The following PCDHGB2 variants were observed in gnomAD, a reference collection of about 807,000 sequenced individuals.
The protein encoded by PCDHGB2 is protocadherin gamma-B2.
Under a neutral mutation model 59.3 loss-of-function variants are expected in PCDHGB2, and 55 were observed. The observed-to-expected ratio is 0.93, with a 90% CI of 0.75 to 1.16. The LOEUF (loss-of-function observed/expected upper bound fraction) is 1.16, where lower values mean the gene tolerates loss of function less well. PCDHGB2 is among the 50% of genes most tolerant of loss of function. The pLI is 0.00. For synonymous variants in PCDHGB2, 516 were observed against 512.0 expected (o/e 1.01, Z -0.11); for missense variants, 1,228 against 1,198.5 (o/e 1.02, Z -0.36).
At chr5:141,506,247 G>A (rs113270457) in intron 3 of PCDHGB2, among the ~76,000 whole-genome samples, 8,033 of 152,078 alleles carry the variant, frequency 0.053, 470 homozygotes, top group African/African-American at 0.14. Flanking sequence ...TCAGGAGTTC[G>A]AAACCGGCCT....
At chr5:141,371,570 T>C (rs767925650) in intron 1 of PCDHGB2, 3 of 1,613,762 alleles carry the variant, frequency 1.9e-6, no homozygotes, top group Admixed American at 3.3e-5. Flanking sequence ...ACTTCCCCTT[T>C]AAAATCGTTC....
intron 1 of PCDHGB2, chr5:141,424,442 T>C (rs2096821583): frequency 6.6e-6 from 1 of 152,244 alleles, no homozygotes; most frequent in South Asian, 2.1e-4. Context: ...AATTGAATTA[T>C]TGAACTGGTA....
intron 2 of PCDHGB2, among the ~76,000 whole-genome samples, chr5:141,504,355 C>T (rs974022699): frequency 6.6e-6 from 1 of 152,078 alleles, no homozygotes; most frequent in Non-Finnish European, 1.5e-5. Flanking sequence ...GTGCTAGGTG[C>T]TTCAGTAGGA....
At chr5:141,364,489 G>T in intron 1 of PCDHGB2, 1 of 1,614,034 alleles carries the variant, frequency 6.2e-7, no homozygotes, top group Non-Finnish European at 8.5e-7. Flanking sequence ...AGGACCTTGG[G>T]CTGGAGCCCC....
intron 1 of PCDHGB2, chr5:141,413,798 AAG>A (rs914638812): frequency 2.7e-5 from 44 of 1,613,066 alleles, no homozygotes; most frequent in Non-Finnish European, 3.5e-5. Context: ...GATCGCGAGG[AAG>A]AGGCCATTCA....
At chr5:141,414,316 G>T (rs2095734692) in intron 1 of PCDHGB2, 1 of 1,613,682 alleles carries the variant, frequency 6.2e-7, no homozygotes, top group Admixed American at 1.7e-5. Flanking sequence ...TTTAGACTCT[G>T]AGCAGAATGG....
At position 141,477,722 on chromosome 5, in the gene PCDHGB2, A is replaced by G. The variant is rs768705340; in HGVS notation, c.2422-17085A>G. 9.3e-6 allele frequency: 15 copies of G among 1,613,878 alleles called. No homozygotes were observed. In the Middle Eastern group the frequency reaches 6.6e-4, roughly 71 times the overall value. On this transcript the variant is annotated intron_variant, in intron 1 of 3. Transcript: ENST00000522605. The surrounding 1 kb of genome is among the most constrained non-coding windows in gnomAD (Gnocchi z 4.9). ...TGAGGATCGGCGGGAATTTGAATTA[A>G]CAGCTCATATCAGCGATGGGGGCAC...
chr5:141,453,101 T>TTTTTGTTTTG (rs879618609), intron 1 of PCDHGB2, among the ~76,000 whole-genome samples: 1 of 152,012 alleles, frequency 6.6e-6, no homozygotes, highest in Non-Finnish European at 1.5e-5. Flanking sequence ...TTCTGTTGCT[T>TTTTTGTTTTG]TTTTGTTTTG....
intron 1 of PCDHGB2, chr5:141,365,946 A>G (rs758519546): frequency 1.4e-5 from 22 of 1,614,020 alleles, no homozygotes; most frequent in Non-Finnish European, 1.9e-5. Flanking sequence ...GACAGTGGGA[A>G]CCCTCCACTT....
At chr5:141,435,665 A>C (rs1029846055) in intron 1 of PCDHGB2, among the ~76,000 whole-genome samples, 2 of 152,206 alleles carry the variant, frequency 1.3e-5, no homozygotes, top group African/African-American at 4.8e-5. Flanking sequence ...CACAGATTCC[A>C]AGTGTTTTCT....
rs754268147 is a variant in PCDHGB2, at chr5:141,410,352, G to C, written c.2421+47796G>C. ...CTGGCCATTGCCTTGCGCCTGCGAC[G>C]CTCTCTCAGCCCTGCTACTTGGGAC... On this transcript the variant is annotated intron_variant, in intron 1 of 3. Coordinates refer to ENST00000522605, the MANE Select transcript of PCDHGB2 (RefSeq NM_018923.3). The C allele has an allele frequency of 6.2e-6, 10 of 1,614,022 alleles. No homozygotes were observed. In the South Asian group the frequency reaches 1.1e-4, roughly 18 times the overall value.
intron 1 of PCDHGB2, chr5:141,414,831 G>C: frequency 4.3e-6 from 7 of 1,614,212 alleles, no homozygotes; most frequent in Non-Finnish European, 5.9e-6. Flanking sequence ...ACGTGTCGTT[G>C]AGCCTGTTTG....
At chr5:141,393,348 T>G in intron 1 of PCDHGB2, 1 of 1,613,848 alleles carries the variant, frequency 6.2e-7, no homozygotes, top group Non-Finnish European at 8.5e-7. Context: ...TCACCACTTC[T>G]CCCTGGACGT....
At position 141,409,019 on chromosome 5, in the gene PCDHGB2, G is replaced by T; in HGVS notation, c.2421+46463G>T. 2.5e-6 allele frequency: 4 copies of T among 1,613,996 alleles called. No homozygotes were observed. The South Asian group carries it at 3.3e-5, about 13-fold the overall frequency. On this transcript the variant is annotated intron_variant, in intron 1 of 3. Coordinates refer to ENST00000522605, the MANE Select transcript of PCDHGB2 (RefSeq NM_018923.3). The stretch of plus-strand genomic sequence containing the variant: ...GACAGCCACTGACCAGGATGAGGGG[G>T]TCAATGCTGAGATAAACTACTACTT...
chr5:141,376,263 C>T (rs1348716434), intron 1 of PCDHGB2: 1 of 1,614,226 alleles, frequency 6.2e-7, no homozygotes, highest in South Asian at 1.1e-5. Flanking sequence ...CTGCTGCAGG[C>T]TTCGGGAGGT....
At chr5:141,419,528 G>A (rs966922299) in intron 1 of PCDHGB2, 10 of 1,612,056 alleles carry the variant, frequency 6.2e-6, no homozygotes, top group Admixed American at 1.7e-5. Flanking sequence ...CGACCGTAAC[G>A]ACAACGCACC....
rs1003050993 is a variant in PCDHGB2, at chr5:141,477,637, T to A, written c.2422-17170T>A. ...AAGGAGCTGAAACCGGGCTAGTGGG[T>A]CGCTATTTCACAATAAATCGTGACA... On this transcript the variant is annotated intron_variant, in intron 1 of 3. Transcript: ENST00000522605. This position sits in a 1 kb window ranked among gnomAD's most constrained non-coding sequence, Gnocchi z 4.9. 6.2e-7 allele frequency: 1 copy of A among 1,614,154 alleles called. No individual in the cohort carries two copies. Among genetic ancestry groups the A allele is most frequent in the African/African-American group, 1.3e-5 (1 of 75,040 alleles).
intron 2 of PCDHGB2, among the ~76,000 whole-genome samples, chr5:141,500,138 ACTTTT>A: frequency 6.6e-6 from 1 of 150,560 alleles, no homozygotes; most frequent in Middle Eastern, 3.2e-3. Flanking sequence ...ATCTTTCTAA[ACTTTT>A]CTTTGTGTAA....
In PCDHGB2 at chr5:141,490,363, C is replaced by G; in HGVS notation, c.2422-4444C>G. 3 of 1,614,154 alleles carry G rather than the reference C, an allele frequency of 1.9e-6. No homozygotes were observed. Among genetic ancestry groups the G allele is most frequent in the Non-Finnish European group, 2.5e-6 (3 of 1,180,032 alleles). On this transcript the variant is annotated intron_variant, in intron 1 of 3. Transcript: ENST00000522605. This position sits in a 1 kb window ranked among gnomAD's most constrained non-coding sequence, Gnocchi z 5.4. ...CACAGTAGTGGGGTTGTTTAATGTGCGAGACCGGGACTCAGGTAGAAATGG... is the reference window on the plus strand; with the variant it reads ...CACAGTAGTGGGGTTGTTTAATGTGGGAGACCGGGACTCAGGTAGAAATGG...
Sources: allele counts gnomAD v4.1 joint callset (sites outside exome capture counted in the v4.1 genomes callset), GRCh38; gene constraint gnomAD v4.1.1; non-coding constraint Gnocchi (gnomAD v3.1); transcripts MANE v1.5; gene names NCBI Gene and HGNC (gene_info 2026-07-23, HGNC 2026-07-21).